Variants in TMEM108 observed in about 807,000 individuals in gnomAD.
The protein encoded by TMEM108 is transmembrane protein 108.
Under a neutral mutation model 35.1 loss-of-function variants are expected in TMEM108, and 12 were observed. The ratio of observed to expected loss-of-function variants is 0.34; its 90% CI spans 0.22 to 0.55. The LOEUF is 0.55. Among genes scored for constraint, TMEM108 ranks in the 20% least tolerant of loss-of-function variants. The probability of loss-of-function intolerance (pLI) is 0.89; values close to 1 mark genes in which losing one functional copy is unlikely to be tolerated. For missense variants in TMEM108, 680 were observed against 753.3 expected, an observed-to-expected ratio of 0.90 and a Z score of 1.14; for synonymous variants, 287 against 308.6, an observed-to-expected ratio of 0.93 and a Z score of 0.73.
rs200373483 is a variant in TMEM108 at position 133,380,179 on chromosome 3, G to A, written c.468G>A (p.Ala156=). The A allele has an allele frequency of 1.0e-3, 1,648 of 1,610,896 alleles. No homozygotes were observed. The highest frequency in any genetic ancestry group is 8.7e-4 in the Non-Finnish European group (1,025 of 1,178,586). The part of the protein sequence containing the change: ...PPGATSRPTT[A]PPRTTTRRPP... Reference sequence around the variant, plus strand: ...GGGCCACCAGCCGCCCCACCACAGCGCCCCCCCGCACTACCACACGCAGGC... The same window carrying A: ...GGGCCACCAGCCGCCCCACCACAGCACCCCCCCGCACTACCACACGCAGGC... Residue 156 remains alanine, a synonymous_variant, in exon 4 of 6, where the codon GCG becomes GCA. Transcript: ENST00000321871. The surrounding 1 kb of genome is among the most constrained non-coding windows in gnomAD (Gnocchi z 5.3).
At chr3:133,227,927 G>T (rs1436402267) in intron 2 of TMEM108, among the ~76,000 whole-genome samples, 2 of 152,084 alleles carry the variant, frequency 1.3e-5, no homozygotes, top group Non-Finnish European at 2.9e-5. Context: ...AAAACATTAT[G>T]CTGAGTGGAA....
intron 3 of TMEM108, among the ~76,000 whole-genome samples, chr3:133,251,366 T>C (rs1019228919): frequency 6.6e-6 from 1 of 152,148 alleles, no homozygotes; most frequent in African/African-American, 2.4e-5. Context: ...ACTGCAGAGG[T>C]TATAATATGT....
rs540918397 is a variant in TMEM108, at chr3:133,059,708, A to G, written c.-47+13688A>G. 2.6e-5 allele frequency among the ~76,000 whole-genome samples: 4 copies of G among 152,318 alleles called. No homozygotes were observed. The South Asian group carries it at 8.3e-4, about 32-fold the overall frequency. ...GTTTAGTGTAACTCCTGTAACTCAGATTATTCTCTCTGTTACTTAGGTTCT... is the reference window on the plus strand; with the variant it reads ...GTTTAGTGTAACTCCTGTAACTCAGGTTATTCTCTCTGTTACTTAGGTTCT... On this transcript the variant is annotated intron_variant, in intron 2 of 5. Coordinates refer to ENST00000321871, the MANE Select transcript of TMEM108 (RefSeq NM_023943.4).
intron 3 of TMEM108, among the ~76,000 whole-genome samples, chr3:133,323,318 A>T (rs765212134): frequency 3.3e-5 from 5 of 152,208 alleles, no homozygotes; most frequent in Non-Finnish European, 7.4e-5. Flanking sequence ...CTGATAAATG[A>T]ATTCAGTAAA....
chr3:133,187,187 A>T (rs1157830165), intron 2 of TMEM108, among the ~76,000 whole-genome samples: 1 of 152,228 alleles, frequency 6.6e-6, no homozygotes, highest in Non-Finnish European at 1.5e-5. Flanking sequence ...TCACATATGC[A>T]GAACTGTTTT....
At chr3:133,147,816 C>T (rs1449540332) in intron 2 of TMEM108, among the ~76,000 whole-genome samples, 1 of 152,176 alleles carries the variant, frequency 6.6e-6, no homozygotes, top group Non-Finnish European at 1.5e-5. Flanking sequence ...TTAAAAACTC[C>T]TCTGAATGCT....
intron 3 of TMEM108, among the ~76,000 whole-genome samples, chr3:133,262,241 T>A (rs1482052580): frequency 3.3e-5 from 5 of 152,252 alleles, no homozygotes; most frequent in African/African-American, 1.2e-4. Flanking sequence ...TCTTAAAATA[T>A]TCACTTGCTT....
At chr3:133,362,846 C>T (rs1264865327) in intron 3 of TMEM108, among the ~76,000 whole-genome samples, 1 of 152,170 alleles carries the variant, frequency 6.6e-6, no homozygotes, top group Non-Finnish European at 1.5e-5. Flanking sequence ...AATAAACACA[C>T]CTTTTGAGGT....
intron 2 of TMEM108, among the ~76,000 whole-genome samples, chr3:133,134,817 ACTC>A (rs1197716363): frequency 6.6e-6 from 1 of 151,380 alleles, no homozygotes; most frequent in Non-Finnish European, 1.5e-5. Context: ...CCATTATACT[ACTC>A]TGTCTGCCTT....
intron 2 of TMEM108, among the ~76,000 whole-genome samples, chr3:133,222,497 C>T (rs540598337): frequency 5.9e-5 from 9 of 151,980 alleles, no homozygotes; most frequent in African/African-American, 2.2e-4. Context: ...TTTTTCTTAA[C>T]CCTCCTATAA....
chr3:133,368,706 T>C (rs932076243), intron 3 of TMEM108, among the ~76,000 whole-genome samples: 2 of 152,166 alleles, frequency 1.3e-5, no homozygotes, highest in Non-Finnish European at 2.9e-5. Context: ...ATTGACATTG[T>C]CTCCAAAGAA....
At chr3:133,142,407 A>G (rs373072843) in intron 2 of TMEM108, among the ~76,000 whole-genome samples, 2 of 152,318 alleles carry the variant, frequency 1.3e-5, no homozygotes, top group East Asian at 1.9e-4. Context: ...CAGCATATTT[A>G]GGGGAGATGA....
At chr3:133,177,971 G>C (rs988922194) in intron 2 of TMEM108, among the ~76,000 whole-genome samples, 2 of 152,150 alleles carry the variant, frequency 1.3e-5, no homozygotes, top group African/African-American at 2.4e-5. Context: ...AAAGTCTCAG[G>C]ATGCAAAATC....
chr3:133,052,456 C>T (rs1056974235), intron 2 of TMEM108, among the ~76,000 whole-genome samples: 2 of 150,576 alleles, frequency 1.3e-5, no homozygotes, highest in East Asian at 3.9e-4. Flanking sequence ...TTCTTCCTTC[C>T]CAATCTGTAT....
chr3:133,321,815 A>G (rs2071271156), intron 3 of TMEM108, among the ~76,000 whole-genome samples: 1 of 152,204 alleles, frequency 6.6e-6, no homozygotes, highest in African/African-American at 2.4e-5. Flanking sequence ...GAAAGCCAAA[A>G]TTATACCAAG....
intron 3 of TMEM108, among the ~76,000 whole-genome samples, chr3:133,320,104 T>G (rs572405394): frequency 1.3e-5 from 2 of 152,042 alleles, no homozygotes; most frequent in South Asian, 4.2e-4. Context: ...TCTCCACATT[T>G]AAATAAAACA....
At chr3:133,321,759 A>G (rs1467014806) in intron 3 of TMEM108, among the ~76,000 whole-genome samples, 1 of 152,210 alleles carries the variant, frequency 6.6e-6, no homozygotes, top group Non-Finnish European at 1.5e-5. Flanking sequence ...ACATTCTCCA[A>G]GACAGACCAT....
intron 2 of TMEM108, among the ~76,000 whole-genome samples, chr3:133,069,427 G>T (rs1353796415): frequency 6.6e-6 from 1 of 152,056 alleles, no homozygotes; most frequent in African/African-American, 2.4e-5. Context: ...ACTCCCTCAG[G>T]ACTCCTTCGT....
chr3:133,155,511 G>A (rs1576349421), intron 2 of TMEM108, among the ~76,000 whole-genome samples: 2 of 152,088 alleles, frequency 1.3e-5, no homozygotes, highest in African/African-American at 4.8e-5. Flanking sequence ...AGCCTCACCA[G>A]CATCTGTTAT....
Sources: allele counts gnomAD v4.1 joint callset (sites outside exome capture counted in the v4.1 genomes callset), GRCh38; gene constraint gnomAD v4.1.1; non-coding constraint Gnocchi (gnomAD v3.1); transcripts MANE v1.5; gene names NCBI Gene and HGNC (gene_info 2026-07-23, HGNC 2026-07-21).